The following LRP1 variants were observed in gnomAD, a reference collection of about 807,000 sequenced individuals.
LRP1 encodes prolow-density lipoprotein receptor-related protein 1.
In LRP1, 51 loss-of-function variants were observed where a neutral mutation model predicts 541.5. The ratio of observed to expected loss-of-function variants is 0.09; its 90% CI spans 0.08 to 0.12. The LOEUF (loss-of-function observed/expected upper bound fraction) is 0.12, where lower values mean the gene tolerates loss of function less well. LRP1 is among the 10% of genes least tolerant of loss of function. LRP1 has a pLI of 1.00. For missense variants in LRP1, 3,878 were observed against 6,376.2 expected (o/e 0.61, Z 13.34); for synonymous variants, 2,219 against 2,470.8 (o/e 0.90, Z 3.02).
chr12:57,136,593 GCA>G, intron 1 of LRP1, among the ~76,000 whole-genome samples: 1 of 152,318 alleles, frequency 6.6e-6, no homozygotes, highest in East Asian at 1.9e-4. Flanking sequence ...AAATGTGATG[GCA>G]CAGTCTGAGG....
chr12:57,154,118 C>A lies in LRP1; in HGVS notation c.842-90C>A. On this transcript the variant is annotated intron_variant, in intron 6 of 88. Transcript: ENST00000243077. The surrounding 1 kb of genome is among the most constrained non-coding windows in gnomAD (Gnocchi z 4.6). ...TGGGAGGGCGTCCAGAGAAGGTGGG[C>A]TTCCAGGTGTGGGTTCTCACCAGCA... 1 of 1,271,302 alleles carries A rather than the reference C, an allele frequency of 7.9e-7. No individual in the cohort carries two copies. Among genetic ancestry groups the A allele is most frequent in the Middle Eastern group, 2.1e-4 (1 of 4,666 alleles). 78.8% of individuals were successfully genotyped at this position (1,271,302 alleles called of 1,614,324 possible). A position where few individuals can be genotyped will look rare whatever the true frequency, so the allele number is the denominator to read the frequency against.
Position 57,177,467 on chromosome 12 carries a change from A to G in LRP1, c.4237A>G (p.Ile1413Val), listed in dbSNP as rs752298286. Residue 1413 changes from isoleucine to valine, a missense_variant, in exon 26 of 89, where the codon ATT (isoleucine) becomes GTT (valine). Coordinates refer to ENST00000243077, the MANE Select transcript of LRP1 (RefSeq NM_002332.3). The surrounding 1 kb of genome is among the most constrained non-coding windows in gnomAD (Gnocchi z 6.8). ...WTDWDASLPR[I>V]EAASMSGAGR... ...AGACTGGGATGCCAGCCTGCCCCGC[A>G]TTGAGGCAGCCTCCATGAGTGGGGC... 21 of 1,610,604 alleles carry G rather than the reference A, an allele frequency of 1.3e-5. 1 individual carries two copies. The South Asian group carries it at 2.3e-4, about 18-fold the overall frequency.
At chr12:57,153,323 C>T (rs367968744) in intron 6 of LRP1, among the ~76,000 whole-genome samples, 2 of 152,244 alleles carry the variant, frequency 1.3e-5, no homozygotes, top group African/African-American at 4.8e-5. Flanking sequence ...GCCACCCTTG[C>T]CCTGCCTCTC....
Position 57,211,730 on chromosome 12 carries a change from C to T in LRP1, c.13194-20C>T, listed in dbSNP as rs552958929. On this transcript the variant is annotated intron_variant, in intron 85 of 88. Coordinates refer to ENST00000243077, the MANE Select transcript of LRP1 (RefSeq NM_002332.3). The surrounding 1 kb of genome is among the most constrained non-coding windows in gnomAD (Gnocchi z 4.3). ...GCTATGGAGGTTATACCTACTCAGCCGTGTCCCTCCTTTCTGCAGGTGCCC... is the reference window on the plus strand; with the variant it reads ...GCTATGGAGGTTATACCTACTCAGCTGTGTCCCTCCTTTCTGCAGGTGCCC... 1.9e-5 allele frequency: 30 copies of T among 1,612,864 alleles called. No homozygotes were observed. The highest frequency in any genetic ancestry group is 6.7e-5 in the African/African-American group (5 of 74,964).
At position 57,185,578 on chromosome 12, in the gene LRP1, C is replaced by A; in HGVS notation, c.6511C>A (p.Leu2171Met). The A allele has an allele frequency of 6.2e-7, 1 of 1,601,756 alleles. No homozygotes were observed. ...VANGGCQQLCLYRGRGQRACA... is the reference protein window; with the variant it reads ...VANGGCQQLCMYRGRGQRACA... ...CAATGGCGGGTGCCAGCAGCTGTGC[C>A]TGTACCGGGGCCGTGGGCAGCGGGC... The change falls in exon 41 of 89, where the codon CTG (leucine) becomes ATG (methionine). Residue 2171 changes from leucine to methionine, a missense_variant. Transcript: ENST00000243077. The surrounding 1 kb of genome is among the most constrained non-coding windows in gnomAD (Gnocchi z 4.9).
chr12:57,180,640 G>A (rs2036145370), intron 32 of LRP1, 27 bp from the exon 33 acceptor site: 1 of 1,613,578 alleles, frequency 6.2e-7, no homozygotes, highest in Non-Finnish European at 8.5e-7. Flanking sequence ...GCCTTCCCAA[G>A]GGTCTCATCC....
chr12:57,176,818 T>A (rs1403425189), intron 24 of LRP1, among the ~76,000 whole-genome samples: 2 of 151,308 alleles, frequency 1.3e-5, no homozygotes, highest in African/African-American at 4.9e-5. Flanking sequence ...CCGTGAGCCA[T>A]GATCATGCCA....
intron 19 of LRP1, 116 bp from the exon 20 acceptor site, chr12:57,169,024 G>A: frequency 1.2e-6 from 1 of 804,232 alleles, no homozygotes; most frequent in Non-Finnish European, 2.0e-6. Context: ...TTTTCCCAGT[G>A]GGGGGGTTAG....
chr12:57,210,435 TG>T lies in LRP1; in HGVS notation c.12712del (p.Glu4238SerfsTer104). The stretch of plus-strand genomic sequence containing the variant: ...TGACAAGTGTGAACTGGACCAGTGC[TG>T]GGAGCACTGTCGCAATGGGGGCACC... Reference protein sequence around the residue: ...TGDKCELDQCWEHCRNGGTCA... With the variant: ...TGDKCELDQCXEHCRNGGTCA... On this transcript the variant is annotated frameshift_variant, in exon 82 of 89. Coordinates refer to ENST00000243077, the MANE Select transcript of LRP1 (RefSeq NM_002332.3). LOFTEE classifies it high-confidence loss of function. 1 of 1,571,728 alleles carries T rather than the reference TG, an allele frequency of 6.4e-7. No homozygotes were observed. The highest frequency in any genetic ancestry group is 1.7e-4 in the Middle Eastern group (1 of 5,850).
rs1188910795 is a variant in LRP1 at position 57,210,407 on chromosome 12, G to A, written c.12681G>A (p.Thr4227=). ...QPKCRCQPRY[T]GDKCELDQCW... The stretch of plus-strand genomic sequence containing the variant: ...AGTGCCGCTGCCAACCCCGCTACAC[G>A]GGTGACAAGTGTGAACTGGACCAGT... Residue 4227 remains threonine, a synonymous_variant, in exon 82 of 89, where the codon ACG becomes ACA. Coordinates refer to ENST00000243077, the MANE Select transcript of LRP1 (RefSeq NM_002332.3). The A allele has an allele frequency of 6.9e-6, 11 of 1,605,254 alleles. No homozygotes were observed. Among genetic ancestry groups the A allele is most frequent in the Admixed American group, 5.1e-5 (3 of 59,066 alleles).
In LRP1 at chr12:57,179,626, G is replaced by A; in HGVS notation, c.4966+70G>A. 6.7e-7 allele frequency: 1 copy of A among 1,481,974 alleles called. No individual in the cohort carries two copies. The highest frequency in any genetic ancestry group is 1.2e-5 in the South Asian group (1 of 85,900). The allele number at this position is 1,481,974 out of a possible 1,614,324, so 91.8% of individuals were successfully genotyped here. A position where few individuals can be genotyped will look rare whatever the true frequency, so the allele number is the denominator to read the frequency against. ...CACCCGCCCCTTGCTCCCAACCCTG[G>A]TCTACTTGGTCCGAGTGGTCCTTCT... is the stretch of plus-strand genomic sequence containing the variant. On this transcript the variant is annotated intron_variant, in intron 29 of 88. Coordinates refer to ENST00000243077, the MANE Select transcript of LRP1 (RefSeq NM_002332.3). The surrounding 1 kb of genome is among the most constrained non-coding windows in gnomAD (Gnocchi z 6.8).
rs555049393 is a variant in LRP1 at position 57,151,173 on chromosome 12, G to A, written c.842-3035G>A. Among the ~76,000 whole-genome samples the A allele has an allele frequency of 6.6e-5, 10 of 152,302 alleles. No individual in the cohort carries two copies. In the South Asian group the frequency reaches 2.1e-3, roughly 32 times the overall value. ...ATGTGTTTGGGAAAGCAGCCACCAT[G>A]TATGGAAATGCCTCTTGAACAATGG... On this transcript the variant is annotated intron_variant, in intron 6 of 88. Coordinates refer to ENST00000243077, the MANE Select transcript of LRP1 (RefSeq NM_002332.3).
At chr12:57,149,327 T>C in intron 6 of LRP1, 1 of 444,432 alleles carries the variant, frequency 2.3e-6, no homozygotes, top group East Asian at 3.5e-5. Context: ...GTTCTGAGTT[T>C]CCTAATCATT....
intron 6 of LRP1, among the ~76,000 whole-genome samples, chr12:57,152,098 A>G (rs1206546436): frequency 6.6e-6 from 1 of 152,006 alleles, no homozygotes; most frequent in Non-Finnish European, 1.5e-5. Flanking sequence ...CCTTCCCGGA[A>G]TTGGGAGGGA....
chr12:57,205,645 T>A lies in LRP1; in HGVS notation c.11558T>A (p.Phe3853Tyr). 1 of 1,612,972 alleles carries A rather than the reference T, an allele frequency of 6.2e-7. No individual in the cohort carries two copies. The change falls in exon 75 of 89, where the codon TTC becomes TAC. Residue 3853 changes from phenylalanine (F) to tyrosine (Y), a missense_variant. Physicochemically the swap from Phe to Tyr is conservative, Grantham distance 22. Around this residue, in one of 13 missense-constraint regions of LRP1, gnomAD observed 871 missense variants for 1,212.4 expected, o/e 0.72. Coordinates refer to ENST00000243077, the MANE Select transcript of LRP1 (RefSeq NM_002332.3). The surrounding 1 kb of genome is among the most constrained non-coding windows in gnomAD (Gnocchi z 4.6). ...GGHLCSCARN[F>Y]MKTHNTCKAE... ...CACCTCTGCAGCTGCGCTCGGAACT[T>A]CATGAAGACGCACAACACCTGCAAG...
rs1374123523 is a variant in LRP1 at position 57,176,057 on chromosome 12, C to T, written c.3942C>T (p.Thr1314=). The change falls in exon 24 of 89, where the codon ACC becomes ACT. Residue 1314 remains threonine, a synonymous_variant. Coordinates refer to ENST00000243077, the MANE Select transcript of LRP1 (RefSeq NM_002332.3). Reference sequence around the variant, plus strand: ...TCAGCCAGAGCGCCCTCTACTGGACCGACGTGGTGGAGGACAAGATCTACC... The same window carrying T: ...TCAGCCAGAGCGCCCTCTACTGGACTGACGTGGTGGAGGACAAGATCTACC... ...FHLSQSALYW[T]DVVEDKIYRG... 1.2e-5 allele frequency: 19 copies of T among 1,614,096 alleles called. No homozygotes were observed. Among genetic ancestry groups the T allele is most frequent in the South Asian group, 4.4e-5 (4 of 91,090 alleles).
intron 77 of LRP1, chr12:57,208,440 G>GCTTGGC: frequency 1.7e-6 from 1 of 605,226 alleles, no homozygotes; most frequent in East Asian, 2.8e-5. Flanking sequence ...TCTGACCTCT[G>GCTTGGC]CTTGGCCGGC....
At chr12:57,191,168 C>T (rs533492697) in intron 43 of LRP1, 152 bp from the exon 44 acceptor site, 3 of 1,077,724 alleles carry the variant, frequency 2.8e-6, no homozygotes, top group African/African-American at 3.1e-5. Context: ...CCCTGTCCAG[C>T]TTGCTCCTCA....
At chr12:57,200,619 G>C (rs2036629165) in intron 63 of LRP1, 80 bp from the exon 64 acceptor site, 21 of 1,545,318 alleles carry the variant, frequency 1.4e-5, no homozygotes, top group Non-Finnish European at 1.8e-5. Context: ...CACTGGAGAG[G>C]CTGGGGCTGT....
Sources: gnomAD v4.1 joint callset for allele counts (sites outside exome capture counted in the v4.1 genomes callset) on GRCh38, gnomAD v4.1.1 for gene constraint, gnomAD v4.1.1 regional missense constraint, Gnocchi (gnomAD v3.1) non-coding constraint, MANE v1.5 for transcripts, NCBI Gene and HGNC (gene_info 2026-07-23, HGNC 2026-07-21) for gene names.